The following MAPK14 variants were observed in gnomAD, a reference collection of about 807,000 sequenced individuals.
MAPK14 encodes the protein CSAID-binding protein.
A neutral mutation model predicts 49.6 loss-of-function variants in MAPK14; 16 were observed. That is an observed-to-expected ratio of 0.32 (90% confidence interval 0.22 to 0.49). The LOEUF is 0.49. Ranked by LOEUF, MAPK14 falls within the 20% of genes least tolerant of loss-of-function variation. The pLI is 0.99. For synonymous variants in MAPK14, 142 were observed against 158.0 expected, an observed-to-expected ratio of 0.90 and a Z score of 0.76; for missense variants, 200 against 441.2, an observed-to-expected ratio of 0.45 and a Z score of 4.90.
intron 8 of MAPK14, among the ~76,000 whole-genome samples, chr6:36,084,123 G>C (rs1764879544): frequency 6.6e-6 from 1 of 152,158 alleles, no homozygotes. Context: ...GGGCCTGACT[G>C]TTAAAAGCAA....
rs564779534 is a variant in MAPK14, at chr6:36,046,768, A to G, written c.117-5931A>G. On this transcript the variant is annotated intron_variant, in intron 1 of 11. Transcript: ENST00000229794. ...ATTCAGGAGTCAAATAGAGATAAAA[A>G]TATTTACTTTTATTAGTAAAGCTGG... Among the ~76,000 whole-genome samples the G allele has an allele frequency of 5.9e-5, 9 of 152,354 alleles. No individual in the cohort carries two copies. In the South Asian group the frequency reaches 1.2e-3, roughly 21 times the overall value.
At position 36,030,674 on chromosome 6, in the gene MAPK14, G is replaced by C. The variant is rs1762505991; in HGVS notation, c.116+2401G>C. Among the ~76,000 whole-genome samples, 5 of 124,964 alleles carry C rather than the reference G, an allele frequency of 4.0e-5. No individual in the cohort carries two copies. The South Asian group carries it at 1.4e-3, about 36-fold the overall frequency. The allele number at this position is 124,964 out of a possible 152,430, so 82.0% of individuals were successfully genotyped here. A position where few individuals can be genotyped will look rare whatever the true frequency, so the allele number is the denominator to read the frequency against. ...TGCACTCCAGCCTGGGCGAAAGTGC[G>C]AGACGCCGTCTCAAAAAAAAAAAAA... On this transcript the variant is annotated intron_variant, in intron 1 of 11. Coordinates refer to ENST00000229794, the MANE Select transcript of MAPK14 (RefSeq NM_139012.3).
At chr6:36,095,662 G>A (rs2127467475) in intron 8 of MAPK14, among the ~76,000 whole-genome samples, 1 of 152,342 alleles carries the variant, frequency 6.6e-6, no homozygotes, top group African/African-American at 2.4e-5. Flanking sequence ...AAGCTCTTGT[G>A]TTTTCACCTG....
At chr6:36,031,046 A>T (rs1397276352) in intron 1 of MAPK14, among the ~76,000 whole-genome samples, 2 of 152,190 alleles carry the variant, frequency 1.3e-5, no homozygotes, top group Non-Finnish European at 2.9e-5. Flanking sequence ...ACGAAGTCTC[A>T]CTCTGTCGCC....
At position 36,027,854 on chromosome 6, in the gene MAPK14, G is replaced by T; in HGVS notation, c.-304G>T. On this transcript the variant is annotated 5_prime_UTR_variant, in exon 1 of 12. Transcript: ENST00000229794. ...GCAGCTGGAACGGGAGTACTGCGAC[G>T]CAGCCCGGAGTCGGCCTTGTAGGGG... 1 of 402,462 alleles carries T rather than the reference G, an allele frequency of 2.5e-6. No individual in the cohort carries two copies. Among genetic ancestry groups the T allele is most frequent in the Non-Finnish European group, 4.4e-6 (1 of 228,878 alleles). 24.9% of individuals were successfully genotyped at this position (402,462 alleles called of 1,614,324 possible). A position where few individuals can be genotyped will look rare whatever the true frequency, so the allele number is the denominator to read the frequency against.
rs552171179 is a variant in MAPK14, at chr6:36,074,709, G to A, written c.495+613G>A. The stretch of plus-strand genomic sequence containing the variant: ...TGGCTCACTGCAACCTCTGCCTCCC[G>A]GGTTCAAGCGATTCTCCTGCCTCAG... On this transcript the variant is annotated intron_variant, in intron 6 of 11. Transcript: ENST00000229794. Among the ~76,000 whole-genome samples the A allele has an allele frequency of 3.0e-4, 46 of 151,580 alleles. No homozygotes were observed. The East Asian group carries it at 6.7e-3, about 22-fold the overall frequency.
intron 3 of MAPK14, among the ~76,000 whole-genome samples, chr6:36,071,661 A>T (rs1004419931): frequency 2.6e-5 from 4 of 152,026 alleles, no homozygotes; most frequent in Admixed American, 2.6e-4. Flanking sequence ...GTTGGAAAAT[A>T]AAAAAAATAC....
rs1240464377 is a variant in MAPK14, at chr6:36,028,386, G to A, written c.116+113G>A. On this transcript the variant is annotated intron_variant, in intron 1 of 11. Transcript: ENST00000229794. This position sits in a 1 kb window ranked among gnomAD's most constrained non-coding sequence, Gnocchi z 5.1. Reference sequence around the variant, plus strand: ...CAAGTGGCAGGAATTTTCCTCGGGGGAGGGCATTGCTGCCCCTTCGAGCTC... The same window carrying A: ...CAAGTGGCAGGAATTTTCCTCGGGGAAGGGCATTGCTGCCCCTTCGAGCTC... 8.2e-6 allele frequency: 6 copies of A among 732,998 alleles called. No individual in the cohort carries two copies. Among genetic ancestry groups the A allele is most frequent in the Admixed American group, 7.3e-5 (3 of 41,032 alleles). The allele number at this position is 732,998 out of a possible 1,614,324, so 45.4% of individuals were successfully genotyped here. A position where few individuals can be genotyped will look rare whatever the true frequency, so the allele number is the denominator to read the frequency against.
chr6:36,090,506 C>T (rs1357289168), intron 8 of MAPK14, among the ~76,000 whole-genome samples: 1 of 150,288 alleles, frequency 6.7e-6, no homozygotes, highest in African/African-American at 2.5e-5. Flanking sequence ...CTGCACCCTG[C>T]CAAATATTCT....
At chr6:36,054,752 T>C (rs1727877125) in intron 2 of MAPK14, among the ~76,000 whole-genome samples, 1 of 152,174 alleles carries the variant, frequency 6.6e-6, no homozygotes, top group African/African-American at 2.4e-5. Context: ...TTCCGGTAAG[T>C]TTAATTGAGG....
At chr6:36,059,228 T>G in intron 2 of MAPK14, 61 bp from the exon 3 acceptor site, 1 of 1,043,288 alleles carries the variant, frequency 9.6e-7, no homozygotes. Flanking sequence ...GATTAAGACC[T>G]GATGGGTACT....
intron 8 of MAPK14, among the ~76,000 whole-genome samples, chr6:36,084,035 C>T (rs779579732): frequency 1.8e-4 from 27 of 152,182 alleles, no homozygotes; most frequent in Non-Finnish European, 3.5e-4. Context: ...CCACTGGTGA[C>T]ACCTCCAGGT....
At chr6:36,122,547 TAGACAA>T in the MAPK14 span, among the ~76,000 whole-genome samples, 2,378 of 152,138 alleles carry the variant, frequency 0.016, 29 homozygotes, top group Non-Finnish European at 0.023. Flanking sequence ...ATGAACAAAA[TAGACAA>T]AGCCCCTACC....
chr6:36,076,096 G>A, intron 7 of MAPK14, 134 bp downstream of exon 7: 1 of 912,622 alleles, frequency 1.1e-6, no homozygotes, highest in Non-Finnish European at 1.6e-6. Context: ...AAGCCTGCAA[G>A]TAAAAATATT....
chr6:36,050,659 A>G (rs997164106), intron 1 of MAPK14, among the ~76,000 whole-genome samples: 1 of 152,316 alleles, frequency 6.6e-6, no homozygotes, highest in African/African-American at 2.4e-5. Context: ...TGCAGCAGAG[A>G]GGGATAGTTT....
At chr6:36,119,032 G>A in the MAPK14 span, among the ~76,000 whole-genome samples, 1 of 152,222 alleles carries the variant, frequency 6.6e-6, no homozygotes, top group Non-Finnish European at 1.5e-5. Context: ...TGTTGAAAAT[G>A]TTTAAATGTA....
intron 8 of MAPK14, among the ~76,000 whole-genome samples, chr6:36,083,294 A>G (rs545824865): frequency 1.5e-3 from 236 of 152,276 alleles, no homozygotes; most frequent in African/African-American, 4.7e-3. Context: ...TGATTGTTCT[A>G]CCCTGTCCAG....
At chr6:36,117,483 C>T in the MAPK14 span, among the ~76,000 whole-genome samples, 1 of 152,116 alleles carries the variant, frequency 6.6e-6, no homozygotes, top group African/African-American at 2.4e-5. Context: ...AATTTCTGAC[C>T]ATTCCCAAGC....
chr6:36,101,690 T>A (rs1339290303), intron 9 of MAPK14, among the ~76,000 whole-genome samples: 3 of 151,998 alleles, frequency 2.0e-5, no homozygotes, highest in African/African-American at 7.2e-5. Context: ...ATTTTTTGTA[T>A]TTTTGGAGAC....
Sources: allele counts gnomAD v4.1 joint callset (sites outside exome capture counted in the v4.1 genomes callset), GRCh38; gene constraint gnomAD v4.1.1; non-coding constraint Gnocchi (gnomAD v3.1); transcripts MANE v1.5; gene names NCBI Gene and HGNC (gene_info 2026-07-23, HGNC 2026-07-21).